The following SDK1 variants were observed in gnomAD, a reference collection of about 807,000 sequenced individuals.
SDK1 encodes protein sidekick-1.
Under a neutral mutation model 245.5 loss-of-function variants are expected in SDK1, and 157 were observed. The ratio of observed to expected loss-of-function variants is 0.64; its 90% CI spans 0.56 to 0.73. The LOEUF (loss-of-function observed/expected upper bound fraction) is 0.73, where lower values mean the gene tolerates loss of function less well. Among genes scored for constraint, SDK1 ranks in the 30% least tolerant of loss-of-function variants. The probability of loss-of-function intolerance (pLI) is 0.00; values close to 1 mark genes in which losing one functional copy is unlikely to be tolerated. For missense variants in SDK1, 3,583 were observed against 3,002.3 expected, an observed-to-expected ratio of 1.19 and a Z score of -4.52; for synonymous variants, 1,647 against 1,278.5, an observed-to-expected ratio of 1.29 and a Z score of -6.15.
At chr7:3,644,637 G>C (rs1040941459) in intron 4 of SDK1, among the ~76,000 whole-genome samples, 2 of 151,436 alleles carry the variant, frequency 1.3e-5, no homozygotes, top group Non-Finnish European at 2.9e-5. Context: ...GTGGTGGCAC[G>C]AACCTGTATT....
intron 22 of SDK1, among the ~76,000 whole-genome samples, chr7:4,086,649 C>A (rs1191676279): frequency 1.3e-5 from 2 of 152,140 alleles, no homozygotes; most frequent in Non-Finnish European, 2.9e-5. Context: ...CTCTGGCCCA[C>A]TCTTCAGCCT....
At chr7:3,459,499 G>C (rs1487877111) in intron 1 of SDK1, among the ~76,000 whole-genome samples, 1 of 152,148 alleles carries the variant, frequency 6.6e-6, no homozygotes, top group Non-Finnish European at 1.5e-5. Context: ...TCCTTAATGT[G>C]TTAATTTTTG....
intron 4 of SDK1, among the ~76,000 whole-genome samples, chr7:3,769,913 T>G (rs1780358495): frequency 6.6e-6 from 1 of 151,152 alleles, no homozygotes; most frequent in Admixed American, 6.6e-5. Context: ...TCAGATTTTC[T>G]CAGTGTTATT....
intron 1 of SDK1, among the ~76,000 whole-genome samples, chr7:3,510,950 A>G (rs1288440481): frequency 6.6e-6 from 1 of 152,242 alleles, no homozygotes; most frequent in Admixed American, 6.5e-5. Flanking sequence ...CCATCAGAAC[A>G]AGAAGAGATG....
At chr7:3,578,007 G>C (rs1477623003) in intron 1 of SDK1, among the ~76,000 whole-genome samples, 1 of 152,054 alleles carries the variant, frequency 6.6e-6, no homozygotes, top group Non-Finnish European at 1.5e-5. Flanking sequence ...CTTACAGTGA[G>C]AGAGGTGGCA....
intron 1 of SDK1, among the ~76,000 whole-genome samples, chr7:3,423,384 C>T (rs1329720174): frequency 2.0e-5 from 3 of 152,156 alleles, no homozygotes; most frequent in Admixed American, 2.0e-4. Flanking sequence ...AGCAGATTGG[C>T]TGAGCAGAGA....
intron 19 of SDK1, among the ~76,000 whole-genome samples, chr7:4,061,575 G>C (rs904310800): frequency 1.3e-5 from 2 of 152,074 alleles, no homozygotes; most frequent in African/African-American, 4.8e-5. Context: ...TCAGTGTGGC[G>C]ATTCCTCAGG....
chr7:3,500,757 C>A (rs976583899), intron 1 of SDK1, among the ~76,000 whole-genome samples: 1 of 151,972 alleles, frequency 6.6e-6, no homozygotes, highest in Non-Finnish European at 1.5e-5. Context: ...CCTCTCCTTT[C>A]TTTCTAAGAC....
intron 1 of SDK1, among the ~76,000 whole-genome samples, chr7:3,517,148 T>A (rs1372694142): frequency 6.6e-6 from 1 of 152,192 alleles, no homozygotes; most frequent in Non-Finnish European, 1.5e-5. Flanking sequence ...GGAAGGAATT[T>A]CCTAAGCTTT....
intron 1 of SDK1, among the ~76,000 whole-genome samples, chr7:3,532,141 A>G (rs1783368791): frequency 6.6e-6 from 1 of 152,122 alleles, no homozygotes; most frequent in South Asian, 2.1e-4. Context: ...TACTCAATAA[A>G]ATTTGATCTG....
At chr7:3,603,225 A>ATC (rs1781307012) in intron 1 of SDK1, among the ~76,000 whole-genome samples, 1 of 140,920 alleles carries the variant, frequency 7.1e-6, no homozygotes, top group Admixed American at 7.4e-5. Flanking sequence ...GAAGAAAGTC[A>ATC]TTGGTAGCTT....
intron 20 of SDK1, among the ~76,000 whole-genome samples, chr7:4,069,917 A>G (rs1383205110): frequency 2.0e-5 from 3 of 152,262 alleles, no homozygotes; most frequent in Middle Eastern, 6.8e-3. Flanking sequence ...GCATGTGCGC[A>G]TTCTCTCCTC....
intron 4 of SDK1, among the ~76,000 whole-genome samples, chr7:3,737,798 T>G (rs1779359838): frequency 6.6e-6 from 1 of 152,240 alleles, no homozygotes; most frequent in Non-Finnish European, 1.5e-5. Context: ...ATGTCCACCT[T>G]AGGCTCTCTT....
In SDK1 at chr7:4,161,809, G is replaced by C; in HGVS notation, c.4753G>C (p.Val1585Leu). Reference sequence around the variant, plus strand: ...AGTTCCAGGAGAGCCCCCGGGATCTGTCTCAGCGACGCCACACACCACGTC... The same window carrying C: ...AGTTCCAGGAGAGCCCCCGGGATCTCTCTCAGCGACGCCACACACCACGTC... ...QDVPGEPPGS[V>L]SATPHTTSSV... Residue 1585 changes from valine (V) to leucine (L), a missense_variant, in exon 32 of 45, where the codon GTC becomes CTC. Coordinates refer to ENST00000404826, the MANE Select transcript of SDK1 (RefSeq NM_152744.4). The C allele has an allele frequency of 6.2e-7, 1 of 1,614,164 alleles. No homozygotes were observed. Among genetic ancestry groups the C allele is most frequent in the Non-Finnish European group, 8.5e-7 (1 of 1,179,998 alleles).
chr7:4,182,138 C>T (rs920082698), intron 35 of SDK1, among the ~76,000 whole-genome samples: 1 of 152,168 alleles, frequency 6.6e-6, no homozygotes, highest in African/African-American at 2.4e-5. Flanking sequence ...CCAGGATGGT[C>T]TCAATCTCCT....
At position 4,110,677 on chromosome 7, in the gene SDK1, C is replaced by A. The variant is rs369678207; in HGVS notation, c.3339C>A (p.Gly1113=). 1.2e-6 allele frequency: 2 copies of A among 1,612,624 alleles called. No individual in the cohort carries two copies. The highest frequency in any genetic ancestry group is 8.5e-7 in the Non-Finnish European group (1 of 1,179,136). Residue 1113 remains glycine (G), a synonymous_variant, in exon 23 of 45, where the codon GGC becomes GGA. Coordinates refer to ENST00000404826, the MANE Select transcript of SDK1 (RefSeq NM_152744.4). ...CCTCTGCACAGGTGGGAGCTATCGGCGACGAGGAGGAGTGGGTCACCCTCT... is the reference window on the plus strand; with the variant it reads ...CCTCTGCACAGGTGGGAGCTATCGGAGACGAGGAGGAGTGGGTCACCCTCT... ...WIVEGQVGAI[G]DEEEWVTLYE... is the part of the protein sequence containing the mutation.
At chr7:3,364,731 T>A (rs1781044435) in intron 1 of SDK1, among the ~76,000 whole-genome samples, 1 of 152,194 alleles carries the variant, frequency 6.6e-6, no homozygotes, top group Non-Finnish European at 1.5e-5. Context: ...CTTTATTTTC[T>A]TTTTCAAAAT....
intron 1 of SDK1, among the ~76,000 whole-genome samples, chr7:3,460,540 G>A (rs1010108126): frequency 6.6e-6 from 1 of 152,206 alleles, no homozygotes; most frequent in African/African-American, 2.4e-5. Flanking sequence ...TTATATGTCA[G>A]TGTGTCATAA....
intron 11 of SDK1, among the ~76,000 whole-genome samples, chr7:3,970,491 C>G (rs6462500): frequency 0.42 from 63,972 of 152,008 alleles, 15,488 homozygotes; most frequent in African/African-American, 0.68. Context: ...ATACATTTAA[C>G]CCATTTATGC....
Sources: allele counts gnomAD v4.1 joint callset (sites outside exome capture counted in the v4.1 genomes callset), GRCh38; gene constraint gnomAD v4.1.1; transcripts MANE v1.5; gene names NCBI Gene and HGNC (gene_info 2026-07-23, HGNC 2026-07-21).